MACF1: variants seen among roughly 807,000 people sequenced by gnomAD.
MACF1 encodes microtubule actin crosslinking factor 1.
Under a neutral mutation model 854.8 loss-of-function variants are expected in MACF1, and 193 were observed. The ratio of observed to expected loss-of-function variants is 0.23; its 90% CI spans 0.20 to 0.25. The LOEUF (loss-of-function observed/expected upper bound fraction) is 0.25, where lower values mean the gene tolerates loss of function less well. Ranked by LOEUF, MACF1 falls within the 10% of genes least tolerant of loss-of-function variation. The probability of loss-of-function intolerance (pLI) is 1.00; values close to 1 mark genes in which losing one functional copy is unlikely to be tolerated. For missense variants in MACF1, 7,722 were observed against 8,929.1 expected, an observed-to-expected ratio of 0.86 and a Z score of 5.45; for synonymous variants, 3,185 against 3,226.7, an observed-to-expected ratio of 0.99 and a Z score of 0.44.
At chr1:39,484,821 A>G (rs758440989) in intron 100 of MACF1, 91 bp downstream of exon 100, 14 of 1,472,130 alleles carry the variant, frequency 9.5e-6, no homozygotes, top group Non-Finnish European at 1.3e-5. Flanking sequence ...AGGAGCGGGT[A>G]ATGAGAGTGG....
At chr1:39,122,927 C>T (rs1467913928) in intron 2 of MACF1, among the ~76,000 whole-genome samples, 1 of 150,874 alleles carries the variant, frequency 6.6e-6, no homozygotes, top group Non-Finnish European at 1.5e-5. Context: ...TCTTAGGTAG[C>T]TTTATGTAGC....
At chr1:39,323,573 A>G (rs1646552906) in intron 33 of MACF1, among the ~76,000 whole-genome samples, 1 of 152,012 alleles carries the variant, frequency 6.6e-6, no homozygotes. Context: ...AGAAGTTTAT[A>G]GGCACCTATA....
intron 23 of MACF1, among the ~76,000 whole-genome samples, chr1:39,305,277 A>G (rs868802118): frequency 6.7e-6 from 1 of 149,356 alleles, no homozygotes; most frequent in Non-Finnish European, 1.5e-5. Flanking sequence ...AAAAAAAAAA[A>G]GTGTGTGTGT....
At chr1:39,141,441 A>C (rs753842858) in intron 2 of MACF1, among the ~76,000 whole-genome samples, 2 of 152,200 alleles carry the variant, frequency 1.3e-5, no homozygotes. Context: ...GCATGGACTC[A>C]AGCTGCTGAG....
intron 2 of MACF1, among the ~76,000 whole-genome samples, chr1:39,246,733 C>T (rs1038771241): frequency 1.9e-4 from 29 of 152,022 alleles, no homozygotes; most frequent in Non-Finnish European, 3.8e-4. Context: ...TGGTCTCGAA[C>T]TCCTGACCTC....
Position 39,459,119 on chromosome 1 carries a change from T to C in MACF1, c.21230T>C (p.Met7077Thr). The C allele has an allele frequency of 2.5e-6, 4 of 1,614,086 alleles. No homozygotes were observed. Among genetic ancestry groups the C allele is most frequent in the Non-Finnish European group, 3.4e-6 (4 of 1,179,978 alleles). Reference protein sequence around the residue: ...KSLSQPTPPPMPILSQSEAKN... With the variant: ...KSLSQPTPPPTPILSQSEAKN... ...CTAAGTCAGCCAACCCCTCCTCCCA[T>C]GCCAATCCTTTCACAGTCTGAAGCA... The change falls in exon 91 of 101, where the codon ATG (methionine) becomes ACG (threonine). Residue 7077 changes from methionine to threonine, a missense_variant. Coordinates refer to ENST00000564288, the MANE Select transcript of MACF1 (RefSeq NM_001394062.1).
intron 58 of MACF1, among the ~76,000 whole-genome samples, chr1:39,418,756 G>C (rs1013348900): frequency 5.3e-5 from 8 of 152,092 alleles, no homozygotes; most frequent in African/African-American, 1.9e-4. Flanking sequence ...CCCGTTACTT[G>C]AGAGACTGAG....
chr1:39,322,774 C>T, intron 32 of MACF1, 59 bp downstream of exon 32: 1 of 1,570,152 alleles, frequency 6.4e-7, no homozygotes, highest in Non-Finnish European at 8.8e-7. Flanking sequence ...GATTCATTTG[C>T]CTGGGCCTTA....
intron 2 of MACF1, among the ~76,000 whole-genome samples, chr1:39,113,422 C>T (rs1472311360): frequency 1.3e-5 from 2 of 152,140 alleles, no homozygotes; most frequent in African/African-American, 4.8e-5. Context: ...TCAACACAAA[C>T]GAATTGTGTT....
intron 58 of MACF1, among the ~76,000 whole-genome samples, chr1:39,388,872 CTTTTTTTTTTTT>C (rs548104092): frequency 1.5e-4 from 13 of 87,244 alleles, no homozygotes; most frequent in African/African-American, 5.0e-4. Context: ...TCTTCTTCTT[CTTTTTTTTTTTT>C]TTTTTTTTTT....
intron 44 of MACF1, among the ~76,000 whole-genome samples, chr1:39,353,615 C>T (rs1055376341): frequency 1.3e-5 from 2 of 152,106 alleles, no homozygotes; most frequent in Admixed American, 6.6e-5. Context: ...ATTTCTGTCC[C>T]GAGCTTCAAA....
intron 22 of MACF1, among the ~76,000 whole-genome samples, chr1:39,300,631 G>C (rs899990641): frequency 2.0e-5 from 3 of 152,070 alleles, no homozygotes; most frequent in African/African-American, 7.2e-5. Context: ...TGTAGCACTT[G>C]GGAGATATCC....
chr1:39,265,042 A>G (rs1320071386), intron 6 of MACF1, among the ~76,000 whole-genome samples: 1 of 152,214 alleles, frequency 6.6e-6, no homozygotes, highest in Non-Finnish European at 1.5e-5. Context: ...TAGTTCTTCT[A>G]AAAGATACTA....
chr1:39,142,206 T>A (rs1005410523), intron 2 of MACF1, among the ~76,000 whole-genome samples: 3 of 152,256 alleles, frequency 2.0e-5, no homozygotes, highest in Non-Finnish European at 4.4e-5. Context: ...CAGAGACAGC[T>A]GGACAGCTGA....
At chr1:39,126,006 C>T (rs1198971985) in intron 2 of MACF1, among the ~76,000 whole-genome samples, 1 of 152,102 alleles carries the variant, frequency 6.6e-6, no homozygotes, top group Non-Finnish European at 1.5e-5. Context: ...CAAAACAAAG[C>T]AAACGACAGC....
At chr1:39,131,287 C>T (rs1246905075) in intron 2 of MACF1, among the ~76,000 whole-genome samples, 1 of 150,474 alleles carries the variant, frequency 6.6e-6, no homozygotes, top group South Asian at 2.1e-4. Context: ...CCTCCATCTC[C>T]TGAGTAAGCT....
intron 4 of MACF1, among the ~76,000 whole-genome samples, chr1:39,253,776 A>C (rs908702811): frequency 2.0e-5 from 3 of 152,198 alleles, no homozygotes; most frequent in Non-Finnish European, 1.5e-5. Flanking sequence ...TCGGCCTCCC[A>C]AAGTGTTGGA....
At chr1:39,369,142 T>C (rs2148533930) in intron 50 of MACF1, among the ~76,000 whole-genome samples, 1 of 152,028 alleles carries the variant, frequency 6.6e-6, no homozygotes, top group Admixed American at 6.6e-5. Flanking sequence ...CCAGACCCCC[T>C]GCTTGTTTTG....
chr1:39,460,754 G>A lies in MACF1; in HGVS notation c.21483G>A (p.Lys7161=). 1 of 1,614,224 alleles carries A rather than the reference G, an allele frequency of 6.2e-7. No individual in the cohort carries two copies. Among genetic ancestry groups the A allele is most frequent in the East Asian group, 2.2e-5 (1 of 44,896 alleles). Residue 7161 remains lysine, a synonymous_variant, in exon 92 of 101, where the codon AAG becomes AAA. Coordinates refer to ENST00000564288, the MANE Select transcript of MACF1 (RefSeq NM_001394062.1). The surrounding 1 kb of genome is among the most constrained non-coding windows in gnomAD (Gnocchi z 4.1). ...FRRIDKDQDG[K]ITRQEFIDGI... ...GCATTGATAAGGACCAGGATGGGAA[G>A]ATAACACGTCAGGAGTTTATCGATG...
Sources: allele counts gnomAD v4.1 joint callset (sites outside exome capture counted in the v4.1 genomes callset), GRCh38; gene constraint gnomAD v4.1.1; non-coding constraint Gnocchi (gnomAD v3.1); transcripts MANE v1.5; gene names NCBI Gene and HGNC (gene_info 2026-07-23, HGNC 2026-07-21).